Variants in ZNF420 observed in about 807,000 individuals in gnomAD.
ZNF420 encodes the protein ATM and p53-associated KZNF protein.
Under a neutral mutation model 44.7 loss-of-function variants are expected in ZNF420, and 31 were observed. The ratio of observed to expected loss-of-function variants is 0.69; its 90% CI spans 0.52 to 0.94. The LOEUF is 0.94. Among genes scored for constraint, ZNF420 ranks in the 40% least tolerant of loss-of-function variants. ZNF420 has a pLI of 0.00. For synonymous variants in ZNF420, 245 were observed against 267.4 expected (o/e 0.92, Z 0.82); for missense variants, 681 against 827.9 (o/e 0.82, Z 2.18).
intron 4 of ZNF420, among the ~76,000 whole-genome samples, chr19:37,118,915 G>A (rs905671103): frequency 1.3e-5 from 2 of 152,134 alleles, no homozygotes; most frequent in African/African-American, 2.4e-5. Context: ...ACCAAGAAGA[G>A]CTAACTATCC....
In ZNF420 at chr19:37,115,238, G is replaced by C. The variant is rs376723413; in HGVS notation, c.137-11890G>C. On this transcript the variant is annotated intron_variant, in intron 4 of 4. Transcript: ENST00000337995. Reference sequence around the variant, plus strand: ...CCCTCCACACCTGTGGGTGTTTCTCGTCAGGTGGAATGAGAGACTTGAGAA... The same window carrying C: ...CCCTCCACACCTGTGGGTGTTTCTCCTCAGGTGGAATGAGAGACTTGAGAA... The C allele has an allele frequency of 1.9e-5, 3 of 160,658 alleles. No individual in the cohort carries two copies. In the South Asian group the frequency reaches 5.9e-4, roughly 32 times the overall value. 10.0% of individuals were successfully genotyped at this position (160,658 alleles called of 1,614,324 possible).
At chr19:37,074,806 A>C (rs758280113), upstream of ZNF420, among the ~76,000 whole-genome samples, 5 of 152,262 alleles carry the variant, frequency 3.3e-5, no homozygotes, top group African/African-American at 4.8e-5. Flanking sequence ...AAATACATGC[A>C]GACAGAGATT....
chr19:37,021,882 A>G (rs2146384130), intron 1 of ZNF420, among the ~76,000 whole-genome samples: 1 of 140,006 alleles, frequency 7.1e-6, no homozygotes, highest in South Asian at 2.4e-4. Context: ...GGTTGTGGTG[A>G]GCCGAGATCG....
intron 4 of ZNF420, among the ~76,000 whole-genome samples, chr19:37,094,357 C>A (rs1030111268): frequency 1.1e-4 from 16 of 151,996 alleles, no homozygotes; most frequent in Non-Finnish European, 1.8e-4. Context: ...ACTCCATTTT[C>A]CCCCTTGTTT....
At chr19:37,113,226 T>G (rs1255178896) in intron 4 of ZNF420, among the ~76,000 whole-genome samples, 2 of 152,234 alleles carry the variant, frequency 1.3e-5, no homozygotes, top group Admixed American at 1.3e-4. Flanking sequence ...GTCAGGTGGC[T>G]CTTTATCTGT....
rs570462864 is a variant in ZNF420 at position 37,089,734 on chromosome 19, A to G, written c.9+607A>G. ...AAAGTTACATTTACGGATGAATGGT[A>G]AATATGATCATAGTGAAGATGATCA... On this transcript the variant is annotated intron_variant, in intron 3 of 4. Transcript: ENST00000337995. Among the ~76,000 whole-genome samples the G allele has an allele frequency of 8.5e-5, 13 of 152,336 alleles. 1 individual carries two copies. In the East Asian group the frequency reaches 2.5e-3, roughly 29 times the overall value.
chr19:37,057,898 TAC>T (rs1967788945), intron 1 of ZNF420, among the ~76,000 whole-genome samples: 1 of 152,148 alleles, frequency 6.6e-6, no homozygotes. Flanking sequence ...CACACCACGA[TAC>T]AGTCTTAAAG....
chr19:37,121,227 C>CT (rs1971013664), intron 4 of ZNF420, among the ~76,000 whole-genome samples: 1 of 147,624 alleles, frequency 6.8e-6, no homozygotes, highest in Non-Finnish European at 1.5e-5. Context: ...TCAAACTATA[C>CT]TACAAGGCTA....
At chr19:37,097,994 AG>A (rs1661355390) in intron 4 of ZNF420, among the ~76,000 whole-genome samples, 1 of 151,956 alleles carries the variant, frequency 6.6e-6, no homozygotes, top group African/African-American at 2.4e-5. Context: ...TTTTTGAGAC[AG>A]GGTCTCCCTC....
At chr19:37,026,274 C>G (rs1214163950) in intron 1 of ZNF420, among the ~76,000 whole-genome samples, 1 of 151,452 alleles carries the variant, frequency 6.6e-6, no homozygotes, top group African/African-American at 2.4e-5. Context: ...TCTCCTGCCT[C>G]AGCCTCCCGA....
rs57353744 is a variant in ZNF420 at position 37,095,129 on chromosome 19, C to CA, written c.136+4026dup. Among the ~76,000 whole-genome samples, 462 of 62,876 alleles carry CA rather than the reference C, an allele frequency of 7.3e-3. 1 individual carries two copies. Among genetic ancestry groups the CA allele is most frequent in the Middle Eastern group, 0.011 (1 of 90 alleles). 41.2% of individuals were successfully genotyped at this position (62,876 alleles called of 152,430 possible). On this transcript the variant is annotated intron_variant, in intron 4 of 4. Transcript: ENST00000337995. ...CTAGTGATAGAGAGAGACTCTGTCT[C>CA]AAAAAAAAAAAAAAAAAAGAAATAT...
chr19:37,022,309 T>C (rs1437211816), intron 1 of ZNF420, among the ~76,000 whole-genome samples: 1 of 152,008 alleles, frequency 6.6e-6, no homozygotes, highest in Non-Finnish European at 1.5e-5. Context: ...AATTGCAAAC[T>C]AGATAATATT....
intron 1 of ZNF420, among the ~76,000 whole-genome samples, chr19:37,050,075 A>T (rs1398325502): frequency 6.6e-6 from 1 of 152,036 alleles, no homozygotes; most frequent in Non-Finnish European, 1.5e-5. Flanking sequence ...ATTGGTCTAT[A>T]TCTCTGTTTT....
chr19:37,014,539 C>T (rs1204639463), intron 1 of ZNF420, among the ~76,000 whole-genome samples: 2 of 152,210 alleles, frequency 1.3e-5, no homozygotes, highest in Non-Finnish European at 2.9e-5. Flanking sequence ...GAGGTCAGGA[C>T]TCTTAGGGTC....
chr19:37,089,845 T>C (rs1008256799), intron 3 of ZNF420, among the ~76,000 whole-genome samples: 10 of 152,200 alleles, frequency 6.6e-5, no homozygotes, highest in Non-Finnish European at 7.3e-5. Flanking sequence ...TGTTCAAATA[T>C]GAGCACTTAT....
Position 37,045,784 on chromosome 19 carries a change from C to T in ZNF420, c.-124-34561C>T, listed in dbSNP as rs529895982. ...CTTGTATTTATTGATCTTTCTGTCC[C>T]ACAGGCCTAAAACAGTGGTTGGCCC... On this transcript the variant is annotated intron_variant, in intron 1 of 4. Transcript: ENST00000587029. 7.9e-5 allele frequency among the ~76,000 whole-genome samples: 12 copies of T among 152,282 alleles called. No homozygotes were observed. In the South Asian group the frequency reaches 2.3e-3, roughly 29 times the overall value.
chr19:37,011,964 A>G (rs997434227), intron 1 of ZNF420, among the ~76,000 whole-genome samples: 7 of 152,148 alleles, frequency 4.6e-5, no homozygotes, highest in Non-Finnish European at 4.4e-5. Flanking sequence ...TGTGTCAGTG[A>G]ATTTTCAGCC....
upstream of ZNF420, among the ~76,000 whole-genome samples, chr19:37,076,382 T>G (rs1172442778): frequency 6.6e-6 from 1 of 152,028 alleles, no homozygotes; most frequent in Non-Finnish European, 1.5e-5. Flanking sequence ...TTATTTTTAT[T>G]TATTTATTAT....
chr19:37,080,126 G>A (rs918974374), intron 1 of ZNF420, among the ~76,000 whole-genome samples: 1 of 152,214 alleles, frequency 6.6e-6, no homozygotes, highest in East Asian at 1.9e-4. Flanking sequence ...ACTGTCTCCA[G>A]TGTACAGCTT....
Sources: gnomAD v4.1 joint callset for allele counts (sites outside exome capture counted in the v4.1 genomes callset) on GRCh38, gnomAD v4.1.1 for gene constraint, MANE v1.5 for transcripts, NCBI Gene and HGNC (gene_info 2026-07-23, HGNC 2026-07-21) for gene names.